CPQ: variants seen among roughly 807,000 people sequenced by gnomAD.
CPQ encodes the protein Ser-Met dipeptidase.
CPQ carries 37 observed loss-of-function variants against 45.7 expected under a neutral mutation model. That is an observed-to-expected ratio of 0.81 (90% CI 0.62 to 1.07). CPQ has a LOEUF of 1.07. CPQ is among the 50% of genes least tolerant of loss of function. The pLI is 0.00. For synonymous variants in CPQ, 186 were observed against 205.8 expected (o/e 0.90, Z 0.82); for missense variants, 537 against 572.9 (o/e 0.94, Z 0.64).
chr8:96,676,033 G>A, intron 1 of CPQ, among the ~76,000 whole-genome samples: 1 of 151,908 alleles, frequency 6.6e-6, no homozygotes, highest in Non-Finnish European at 1.5e-5. Context: ...TATGGAGTAT[G>A]TGTGATATTT....
intron 2 of CPQ, among the ~76,000 whole-genome samples, chr8:96,799,491 C>T (rs866257182): frequency 1.3e-5 from 2 of 152,058 alleles, no homozygotes; most frequent in Non-Finnish European, 2.9e-5. Context: ...TGTCTGATAT[C>T]TAATTGCAGA....
intron 3 of CPQ, among the ~76,000 whole-genome samples, chr8:96,874,049 C>T (rs1454285653): frequency 6.6e-6 from 1 of 151,750 alleles, no homozygotes; most frequent in Non-Finnish European, 1.5e-5. Context: ...CAGCTGGCTT[C>T]AAATGATGTC....
chr8:96,699,372 A>G (rs941332007), intron 1 of CPQ, among the ~76,000 whole-genome samples: 1 of 152,156 alleles, frequency 6.6e-6, no homozygotes, highest in Non-Finnish European at 1.5e-5. Flanking sequence ...AGAATGGTTA[A>G]TTGCTACAAA....
At chr8:96,773,012 C>T (rs1055572173) in intron 1 of CPQ, among the ~76,000 whole-genome samples, 1 of 152,108 alleles carries the variant, frequency 6.6e-6, no homozygotes, top group African/African-American at 2.4e-5. Context: ...GTAAATTGTT[C>T]AAGGTCATGC....
chr8:97,119,325 T>C (rs1476191458), intron 7 of CPQ, among the ~76,000 whole-genome samples: 1 of 89,512 alleles, frequency 1.1e-5, no homozygotes, highest in Non-Finnish European at 2.0e-5. Context: ...TGAGACTCCA[T>C]CTCAAAAAAA....
At chr8:96,875,870 T>A (rs1812138681) in intron 3 of CPQ, among the ~76,000 whole-genome samples, 1 of 152,038 alleles carries the variant, frequency 6.6e-6, no homozygotes. Context: ...TTGCGTTAAA[T>A]CCATAAATCA....
At chr8:96,709,227 T>G (rs1292958189) in intron 1 of CPQ, among the ~76,000 whole-genome samples, 1 of 152,146 alleles carries the variant, frequency 6.6e-6, no homozygotes, top group Non-Finnish European at 1.5e-5. Flanking sequence ...TATGTGGTTT[T>G]TTTAATCCCT....
At chr8:96,922,258 A>G (rs913069691) in intron 4 of CPQ, among the ~76,000 whole-genome samples, 2 of 152,168 alleles carry the variant, frequency 1.3e-5, no homozygotes, top group Non-Finnish European at 2.9e-5. Flanking sequence ...ATGACAACTC[A>G]TTCCTCCCAA....
At chr8:97,133,050 C>A (rs1186039421) in intron 7 of CPQ, 4 of 152,032 alleles carry the variant, frequency 2.6e-5, no homozygotes, top group Admixed American at 6.6e-5. Context: ...AGATAATGAA[C>A]CTAGAGTCAT....
At chr8:96,923,334 C>G (rs1165701191) in intron 4 of CPQ, among the ~76,000 whole-genome samples, 1 of 152,174 alleles carries the variant, frequency 6.6e-6, no homozygotes, top group Admixed American at 6.5e-5. Context: ...TGCTCAACCC[C>G]CATTAGCCCA....
chr8:96,901,492 T>G (rs1484312779), intron 4 of CPQ, among the ~76,000 whole-genome samples: 1 of 152,212 alleles, frequency 6.6e-6, no homozygotes, highest in East Asian at 1.9e-4. Flanking sequence ...CTGGAGTGGA[T>G]AGATACCTCT....
intron 4 of CPQ, among the ~76,000 whole-genome samples, chr8:96,917,991 A>G (rs1812754547): frequency 1.3e-5 from 2 of 152,196 alleles, no homozygotes; most frequent in African/African-American, 2.4e-5. Flanking sequence ...TTAGCCGTAT[A>G]GAGTGTACTC....
intron 7 of CPQ, among the ~76,000 whole-genome samples, chr8:97,108,828 A>G (rs1811451425): frequency 6.6e-6 from 1 of 152,232 alleles, no homozygotes; most frequent in Middle Eastern, 3.2e-3. Context: ...CATAAGAGAA[A>G]GAGAAGCTTG....
At chr8:97,004,445 C>T (rs1809344307) in intron 5 of CPQ, among the ~76,000 whole-genome samples, 1 of 151,818 alleles carries the variant, frequency 6.6e-6, no homozygotes, top group African/African-American at 2.4e-5. Context: ...AGTTTTCATA[C>T]ACTGTGGGAA....
At chr8:96,835,902 G>C (rs1811522928) in intron 3 of CPQ, among the ~76,000 whole-genome samples, 1 of 152,098 alleles carries the variant, frequency 6.6e-6, no homozygotes, top group Admixed American at 6.6e-5. Flanking sequence ...AGTTTTGATT[G>C]AGGTAATGCC....
intron 7 of CPQ, among the ~76,000 whole-genome samples, chr8:97,118,070 T>C (rs1054671654): frequency 6.6e-6 from 1 of 152,176 alleles, no homozygotes; most frequent in Non-Finnish European, 1.5e-5. Context: ...TACAAGCCAG[T>C]TGGAATTTGA....
chr8:96,773,504 A>T (rs572303985), intron 1 of CPQ, among the ~76,000 whole-genome samples: 318 of 152,212 alleles, frequency 2.1e-3, no homozygotes, highest in Non-Finnish European at 3.7e-3. Context: ...CAAAGGGAAC[A>T]GTATGAACAA....
At chr8:97,047,968 A>T (rs575427627) in intron 6 of CPQ, among the ~76,000 whole-genome samples, 2 of 152,150 alleles carry the variant, frequency 1.3e-5, no homozygotes, top group African/African-American at 4.8e-5. Flanking sequence ...TATCTTTCCC[A>T]TGTGTATAGA....
chr8:96,869,549 A>G (rs948065695), intron 3 of CPQ, among the ~76,000 whole-genome samples: 1 of 152,044 alleles, frequency 6.6e-6, no homozygotes, highest in African/African-American at 2.4e-5. Flanking sequence ...GTAACTACTT[A>G]GGTATATTTG....
Sources: allele counts gnomAD v4.1 joint callset (sites outside exome capture counted in the v4.1 genomes callset), GRCh38; gene constraint gnomAD v4.1.1; transcripts MANE v1.5; gene names NCBI Gene and HGNC (gene_info 2026-07-23, HGNC 2026-07-21).